LLGL2: variants seen among roughly 807,000 people sequenced by gnomAD.
The protein encoded by LLGL2 is LLGL scribble cell polarity complex component 2.
Under a neutral mutation model 123.2 loss-of-function variants are expected in LLGL2, and 81 were observed. That is an observed-to-expected ratio of 0.66 (90% CI 0.55 to 0.79). LLGL2 has a LOEUF of 0.79. Among genes scored for constraint, LLGL2 ranks in the 30% least tolerant of loss-of-function variants. The pLI is 0.00. For missense variants in LLGL2, 1,273 were observed against 1,414.6 expected (o/e 0.90, Z 1.61); for synonymous variants, 577 against 594.1 (o/e 0.97, Z 0.42).
Position 75,570,176 on chromosome 17 carries a change from G to T in LLGL2, c.1795G>T (p.Glu599Ter). ...GGTCACCTCCTTGGCCCTGCACTCT[G>T]AGTGGCGGCTCGTGGCCTTCGGCAC... ...AVVTSLALHS[E>*]WRLVAFGTSH... Residue 599 changes from glutamate (E) to a stop codon, truncating the protein, a stop_gained, in exon 15 of 26, where the codon GAG (glutamate) becomes TAG (stop). Transcript: ENST00000392550. LOFTEE classifies it high-confidence loss of function. The T allele has an allele frequency of 1.3e-6, 2 of 1,593,428 alleles. No homozygotes were observed. The highest frequency in any genetic ancestry group is 2.3e-5 in the East Asian group (1 of 43,976).
intron 2 of LLGL2, among the ~76,000 whole-genome samples, chr17:75,546,794 T>C (rs1215315675): frequency 1.6e-5 from 1 of 62,342 alleles, no homozygotes; most frequent in African/African-American, 8.2e-5. Flanking sequence ...GGAGGGCAGG[T>C]CCAGCAGACA....
At chr17:75,541,052 C>T (rs1268582675) in intron 1 of LLGL2, among the ~76,000 whole-genome samples, 2 of 152,296 alleles carry the variant, frequency 1.3e-5, no homozygotes, top group East Asian at 3.9e-4. Flanking sequence ...ACAGCAGGTG[C>T]CCCAGGGAGC....
In LLGL2 at chr17:75,571,005, C is replaced by T. The variant is rs781397188; in HGVS notation, c.2081C>T (p.Ala694Val). 4.2e-5 allele frequency: 67 copies of T among 1,612,844 alleles called. No homozygotes were observed. Among genetic ancestry groups the T allele is most frequent in the Admixed American group, 8.3e-5 (5 of 59,986 alleles). The change falls in exon 17 of 26, where the codon GCG (alanine) becomes GTG (valine). Residue 694 changes from alanine to valine, a missense_variant. Physicochemically the swap from Ala to Val is moderately conservative, Grantham distance 64 (BLOSUM62 0). Coordinates refer to ENST00000392550, the MANE Select transcript of LLGL2 (RefSeq NM_001031803.2). ...ERPGLQNMELAPVQRKIEARS... is the reference protein window; with the variant it reads ...ERPGLQNMELVPVQRKIEARS... ...CCAGGCCTCCAGAACATGGAGCTGG[C>T]GCCTGTGCAGCGCAAGATCGAGGCT...
intron 1 of LLGL2, among the ~76,000 whole-genome samples, chr17:75,541,411 T>G (rs2054201202): frequency 6.6e-6 from 1 of 152,172 alleles, no homozygotes; most frequent in Admixed American, 6.5e-5. Context: ...CAGATCTGGG[T>G]GTCCCCTCAC....
At chr17:75,536,532 T>G (rs2054008572) in intron 1 of LLGL2, among the ~76,000 whole-genome samples, 1 of 152,308 alleles carries the variant, frequency 6.6e-6, no homozygotes, top group East Asian at 1.9e-4. Context: ...CAGGTTGCGG[T>G]GGCTGGAGAG....
intron 1 of LLGL2, among the ~76,000 whole-genome samples, chr17:75,536,702 C>T (rs561126369): frequency 6.6e-6 from 1 of 152,340 alleles, no homozygotes; most frequent in South Asian, 2.1e-4. Flanking sequence ...AAAGAATCAC[C>T]ACTAATCCCA....
In LLGL2 at chr17:75,564,265, G is replaced by T; in HGVS notation, c.882-88G>T. ...AGTCTCCCCTGCTCCTGGGGACCTTGACTGAGTGGTGACTTTGATTGCCGG... is the reference window on the plus strand; with the variant it reads ...AGTCTCCCCTGCTCCTGGGGACCTTTACTGAGTGGTGACTTTGATTGCCGG... On this transcript the variant is annotated intron_variant, in intron 9 of 25. Coordinates refer to ENST00000392550, the MANE Select transcript of LLGL2 (RefSeq NM_001031803.2). This position sits in a 1 kb window ranked among gnomAD's most constrained non-coding sequence, Gnocchi z 4.9. 6.5e-7 allele frequency: 1 copy of T among 1,536,182 alleles called. No individual in the cohort carries two copies. Among genetic ancestry groups the T allele is most frequent in the South Asian group, 1.2e-5 (1 of 80,422 alleles).
chr17:75,556,461 C>T (rs1240129759), intron 3 of LLGL2, among the ~76,000 whole-genome samples: 4 of 152,132 alleles, frequency 2.6e-5, no homozygotes, highest in Non-Finnish European at 5.9e-5. Flanking sequence ...GTGGTCTGCT[C>T]CCTTTACTCA....
At chr17:75,526,690 C>A (rs2053586328) in intron 1 of LLGL2, among the ~76,000 whole-genome samples, 1 of 152,070 alleles carries the variant, frequency 6.6e-6, no homozygotes, top group African/African-American at 2.4e-5. Context: ...GCTCCAGGGA[C>A]CCCCTGCTGG....
At chr17:75,572,699 G>A (rs1319637631) in intron 19 of LLGL2, among the ~76,000 whole-genome samples, 1 of 149,820 alleles carries the variant, frequency 6.7e-6, no homozygotes, top group Non-Finnish European at 1.5e-5. Flanking sequence ...GGTGGTGGAC[G>A]CCTGTAATCC....
rs1002944061 is a variant in LLGL2 at position 75,564,707 on chromosome 17, T to TA, written c.1036+207dup. The stretch of plus-strand genomic sequence containing the variant: ...GGGAGACCCTTGTCTCTACAAAAAA[T>TA]AAAAAAATTAGCCAGGTGTTGTGGC... On this transcript the variant is annotated intron_variant, in intron 10 of 25. Coordinates refer to ENST00000392550, the MANE Select transcript of LLGL2 (RefSeq NM_001031803.2). This position sits in a 1 kb window ranked among gnomAD's most constrained non-coding sequence, Gnocchi z 4.9. The TA allele has an allele frequency of 4.8e-6, 4 of 829,022 alleles. No homozygotes were observed. Among genetic ancestry groups the TA allele is most frequent in the Admixed American group, 6.5e-5 (2 of 30,960 alleles). The allele number at this position is 829,022 out of a possible 1,614,324, so 51.4% of individuals were successfully genotyped here.
intron 9 of LLGL2, among the ~76,000 whole-genome samples, 182 bp downstream of exon 9, chr17:75,563,988 C>T (rs1181432484): frequency 6.6e-6 from 1 of 152,212 alleles, no homozygotes; most frequent in Non-Finnish European, 1.5e-5. Context: ...GGCCCAATTC[C>T]TGCCAAGTTC....
At position 75,532,303 on chromosome 17, in the gene LLGL2, T is replaced by C. The variant is rs543364091; in HGVS notation, c.-31+6478T>C. Among the ~76,000 whole-genome samples, 16 of 152,086 alleles carry C rather than the reference T, an allele frequency of 1.1e-4. 1 individual carries two copies. The South Asian group carries it at 2.3e-3, about 22-fold the overall frequency. ...ACTTGCTCTGTTGCCCAGGCTGGAG[T>C]ACAGTGGCGCGATCTCAGCCCACTG... On this transcript the variant is annotated intron_variant, in intron 1 of 25. Transcript: ENST00000392550.
Position 75,570,111 on chromosome 17 carries a change from T to G in LLGL2, c.1730T>G (p.Phe577Cys). The G allele has an allele frequency of 6.2e-7, 1 of 1,605,014 alleles. No homozygotes were observed. The highest frequency in any genetic ancestry group is 8.5e-7 in the Non-Finnish European group (1 of 1,176,200). The change falls in exon 15 of 26, where the codon TTT becomes TGT. Residue 577 changes from phenylalanine to cysteine, a missense_variant. Coordinates refer to ENST00000392550, the MANE Select transcript of LLGL2 (RefSeq NM_001031803.2). ...GGGCCCGTGCGCTTTGAGCCTGGCT[T>G]TCAGCCCTTCGTGTTGGTGCAGTGT... The part of the protein sequence containing the change: ...RSGPVRFEPG[F>C]QPFVLVQCQP...
chr17:75,564,798 A>T lies in LLGL2; in HGVS notation c.1036+291A>T. 3 of 270,632 alleles carry T rather than the reference A, an allele frequency of 1.1e-5. No individual in the cohort carries two copies. The highest frequency in any genetic ancestry group is 6.9e-5 in the East Asian group (1 of 14,436). The allele number at this position is 270,632 out of a possible 1,614,324, so 16.8% of individuals were successfully genotyped here. Reference sequence around the variant, plus strand: ...AGGATCACTTGAGCCTGGGAGGTGGAGGTTGCAGCGAACCAGGATCATGCT... The same window carrying T: ...AGGATCACTTGAGCCTGGGAGGTGGTGGTTGCAGCGAACCAGGATCATGCT... On this transcript the variant is annotated intron_variant, in intron 10 of 25. Transcript: ENST00000392550. This position sits in a 1 kb window ranked among gnomAD's most constrained non-coding sequence, Gnocchi z 4.9.
At position 75,559,259 on chromosome 17, in the gene LLGL2, C is replaced by G. The variant is rs769847017; in HGVS notation, c.379C>G (p.Pro127Ala). 6.2e-7 allele frequency: 1 copy of G among 1,603,962 alleles called. No homozygotes were observed. The highest frequency in any genetic ancestry group is 1.7e-5 in the Admixed American group (1 of 58,236). Residue 127 changes from proline (P) to alanine (A), a missense_variant, in exon 6 of 26, where the codon CCC becomes GCC. Coordinates refer to ENST00000392550, the MANE Select transcript of LLGL2 (RefSeq NM_001031803.2). The surrounding 1 kb of genome is among the most constrained non-coding windows in gnomAD (Gnocchi z 4.6). ...FTLRGPPGAA[P>A]SATQITVVLP... ...CAGCTGTTCTTGTCACAGGGCTGCC[C>G]CCAGTGCCACACAGATCACCGTGGT...
At chr17:75,565,768 T>A (rs2055418960) in intron 10 of LLGL2, among the ~76,000 whole-genome samples, 1 of 152,146 alleles carries the variant, frequency 6.6e-6, no homozygotes, top group Admixed American at 6.5e-5. Context: ...TGATGAGCGG[T>A]GCTTCCCTCA....
At chr17:75,538,889 T>C (rs1046450007) in intron 1 of LLGL2, among the ~76,000 whole-genome samples, 11 of 150,722 alleles carry the variant, frequency 7.3e-5, no homozygotes, top group African/African-American at 2.7e-4. Context: ...ATCCTCTTTT[T>C]CTTTCTTTTT....
Position 75,558,513 on chromosome 17 carries a change from GCCAGCTGGTCAC to G in LLGL2, c.260_271del (p.Gln87_Thr90del). 1 of 1,587,554 alleles carries G rather than the reference GCCAGCTGGTCAC, an allele frequency of 6.3e-7. No homozygotes were observed. Among genetic ancestry groups the G allele is most frequent in the East Asian group, 2.3e-5 (1 of 43,068 alleles). ...GATCCCGTCGTGTGCCCTCGCCAGT[GCCAGCTGGTCAC>G]CCTGCTGGATGACAACAGCCTGCAC... is the stretch of plus-strand genomic sequence containing the variant. On this transcript the variant is annotated inframe_deletion and splice_region_variant, in exon 5 of 26. Transcript: ENST00000392550. The surrounding 1 kb of genome is among the most constrained non-coding windows in gnomAD (Gnocchi z 4.0).
Sources: allele counts gnomAD v4.1 joint callset (sites outside exome capture counted in the v4.1 genomes callset), GRCh38; gene constraint gnomAD v4.1.1; non-coding constraint Gnocchi (gnomAD v3.1); transcripts MANE v1.5; gene names NCBI Gene and HGNC (gene_info 2026-07-23, HGNC 2026-07-21).